The following YWHAG variants were observed in gnomAD, a reference collection of about 807,000 sequenced individuals.
YWHAG encodes 14-3-3 protein gamma.
A neutral mutation model predicts 23.3 loss-of-function variants in YWHAG; 1 was observed. That is an observed-to-expected ratio of 0.04 (90% CI 0.02 to 0.20). The LOEUF is 0.20. Ranked by LOEUF, YWHAG falls within the 10% of genes least tolerant of loss-of-function variation. The probability of loss-of-function intolerance (pLI) is 1.00; values close to 1 mark genes in which losing one functional copy is unlikely to be tolerated. For missense variants in YWHAG, 151 were observed against 338.6 expected (o/e 0.45, Z 4.35); for synonymous variants, 160 against 144.0 (o/e 1.11, Z -0.80).
intron 1 of YWHAG, among the ~76,000 whole-genome samples, chr7:76,332,049 G>C (rs959200222): frequency 2.6e-5 from 4 of 152,158 alleles, no homozygotes; most frequent in African/African-American, 9.7e-5. Flanking sequence ...CTGATTAGTG[G>C]TGTTGTTAAA....
chr7:76,349,456 C>G (rs554359360), intron 1 of YWHAG, among the ~76,000 whole-genome samples: 1 of 150,714 alleles, frequency 6.6e-6, no homozygotes, highest in African/African-American at 2.5e-5. Flanking sequence ...CACACACACA[C>G]ACACACACAC....
intron 1 of YWHAG, among the ~76,000 whole-genome samples, chr7:76,334,028 C>T (rs368144192): frequency 5.9e-5 from 9 of 152,214 alleles, no homozygotes; most frequent in Non-Finnish European, 1.2e-4. Context: ...TTATGAAATG[C>T]CAGGATCACC....
At position 76,353,812 on chromosome 7, in the gene YWHAG, T is replaced by C. The variant is rs185313052; in HGVS notation, c.87+4910A>G. On this transcript the variant is annotated intron_variant, in intron 1 of 1. Transcript: ENST00000307630. ...GGCTGGGTGTGGTGGCTCACACCTG[T>C]AATCCCAGTACTTTGGGAGGCCAAG... 2.6e-3 allele frequency among the ~76,000 whole-genome samples: 391 copies of C among 152,130 alleles called. 2 individuals carry two copies. Among genetic ancestry groups the C allele is most frequent in the African/African-American group, 8.9e-3 (371 of 41,486 alleles).
chr7:76,334,800 T>C (rs998844062), intron 1 of YWHAG, among the ~76,000 whole-genome samples: 2 of 151,764 alleles, frequency 1.3e-5, no homozygotes, highest in African/African-American at 4.8e-5. Flanking sequence ...TGGAGAGAAA[T>C]GGCGTGATCA....
At chr7:76,341,774 T>A (rs1803697666) in intron 1 of YWHAG, among the ~76,000 whole-genome samples, 1 of 152,134 alleles carries the variant, frequency 6.6e-6, no homozygotes, top group Admixed American at 6.6e-5. Flanking sequence ...AATATGGGGT[T>A]TCTTTTTGGG....
In YWHAG at chr7:76,335,510, C is replaced by T. The variant is rs1396226517; in HGVS notation, c.88-5277G>A. Reference sequence around the variant, plus strand: ...ATGTTAATTAGTGTCAACTATTTTCCCCTAAGAGTTGATGAGGAGAGAAAC... The same window carrying T: ...ATGTTAATTAGTGTCAACTATTTTCTCCTAAGAGTTGATGAGGAGAGAAAC... On this transcript the variant is annotated intron_variant, in intron 1 of 1. Transcript: ENST00000307630. Among the ~76,000 whole-genome samples, 26 of 152,194 alleles carry T rather than the reference C, an allele frequency of 1.7e-4. 1 individual carries two copies. The highest frequency in any genetic ancestry group is 1.7e-3 in the Admixed American group (26 of 15,278).
chr7:76,330,965 C>T lies in YWHAG; in HGVS notation c.88-732G>A, dbSNP rs10251672. Among the ~76,000 whole-genome samples the T allele has an allele frequency of 2.3e-3, 352 of 152,286 alleles. 4 individuals are homozygous for T. Among genetic ancestry groups the T allele is most frequent in the South Asian group, 0.015 (70 of 4,816 alleles). On this transcript the variant is annotated intron_variant, in intron 1 of 1. Transcript: ENST00000307630. ...CCCAAGGCTAATCACTTTCAGAAGA[C>T]TAAAGTGGCATCTCAAACCAATGTT...
intron 1 of YWHAG, among the ~76,000 whole-genome samples, chr7:76,330,747 AT>A (rs1352923550): frequency 3.3e-5 from 5 of 152,188 alleles, no homozygotes; most frequent in Non-Finnish European, 7.4e-5. Context: ...GGGGCATAGG[AT>A]TGAGTCTGAT....
intron 1 of YWHAG, among the ~76,000 whole-genome samples, chr7:76,354,138 C>A (rs572200338): frequency 7.8e-4 from 117 of 150,232 alleles, no homozygotes; most frequent in African/African-American, 2.8e-3. Context: ...CACTAAGTAA[C>A]TTTCAAAAGA....
rs1279025974 is a variant in YWHAG, at chr7:76,329,406, T to C, written c.*171A>G. On this transcript the variant is annotated 3_prime_UTR_variant, in exon 2 of 2. Transcript: ENST00000307630. The surrounding 1 kb of genome is among the most constrained non-coding windows in gnomAD (Gnocchi z 6.1). ...CACAGCTAGCCTGACTTTCCACTAG[T>C]GGTATTTTGGCAAAAATGTCAAAGA... 1 of 789,962 alleles carries C rather than the reference T, an allele frequency of 1.3e-6. No individual in the cohort carries two copies. Among genetic ancestry groups the C allele is most frequent in the Non-Finnish European group, 1.9e-6 (1 of 513,016 alleles). The allele number at this position is 789,962 out of a possible 1,614,324, so 48.9% of individuals were successfully genotyped here.
intron 1 of YWHAG, among the ~76,000 whole-genome samples, chr7:76,338,831 T>TCC (rs1201295592): frequency 6.6e-6 from 1 of 152,322 alleles, no homozygotes; most frequent in African/African-American, 2.4e-5. Context: ...CAGGCACGTA[T>TCC]CCACTGGTCA....
At position 76,333,651 on chromosome 7, in the gene YWHAG, A is replaced by G. The variant is rs573943878; in HGVS notation, c.88-3418T>C. On this transcript the variant is annotated intron_variant, in intron 1 of 1. Transcript: ENST00000307630. ...AACCCTAGTTCCATACAGCCTGAAA[A>G]AAAACTGCCCAGACTTGGCTTTGGA... Among the ~76,000 whole-genome samples, 3 of 152,278 alleles carry G rather than the reference A, an allele frequency of 2.0e-5. No homozygotes were observed. The East Asian group carries it at 5.8e-4, about 29-fold the overall frequency.
Position 76,327,949 on chromosome 7 carries a change from C to T in YWHAG, c.*1628G>A, listed in dbSNP as rs2115582055. The stretch of plus-strand genomic sequence containing the variant: ...CACATACTCAGTTCCTAATTGTAAG[C>T]TCAATTTTGGTATTAGCAAAAGCAT... On this transcript the variant is annotated 3_prime_UTR_variant, in exon 2 of 2. Coordinates refer to ENST00000307630, the MANE Select transcript of YWHAG (RefSeq NM_012479.4). 1 of 152,202 alleles carries T rather than the reference C, an allele frequency of 6.6e-6. No homozygotes were observed. Among genetic ancestry groups the T allele is most frequent in the South Asian group, 2.1e-4 (1 of 4,820 alleles). The allele number at this position is 152,202 out of a possible 1,614,324, so 9.4% of individuals were successfully genotyped here. A position where few individuals can be genotyped will look rare whatever the true frequency, so the allele number is the denominator to read the frequency against.
At chr7:76,340,414 T>G (rs1010786976) in intron 1 of YWHAG, among the ~76,000 whole-genome samples, 1 of 152,228 alleles carries the variant, frequency 6.6e-6, no homozygotes, top group African/African-American at 2.4e-5. Context: ...TTTCCAGTGG[T>G]TTCATTCTTA....
Position 76,326,972 on chromosome 7 carries a change from T to C in YWHAG, c.*2605A>G, listed in dbSNP as rs1803451568. On this transcript the variant is annotated 3_prime_UTR_variant, in exon 2 of 2. Transcript: ENST00000307630. Reference sequence around the variant, plus strand: ...TAGACCTTAAAAATAGTTCACTGCATAACATGACAAAAAGCACAAAGGCTC... The same window carrying C: ...TAGACCTTAAAAATAGTTCACTGCACAACATGACAAAAAGCACAAAGGCTC... The C allele has an allele frequency of 6.6e-6, 1 of 152,614 alleles. No homozygotes were observed. The highest frequency in any genetic ancestry group is 1.5e-5 in the Non-Finnish European group (1 of 68,028). 9.5% of individuals were successfully genotyped at this position (152,614 alleles called of 1,614,324 possible).
chr7:76,338,078 T>C (rs1250972115), intron 1 of YWHAG, among the ~76,000 whole-genome samples: 1 of 152,032 alleles, frequency 6.6e-6, no homozygotes, highest in Non-Finnish European at 1.5e-5. Context: ...AGTATATACA[T>C]CACATTGTAT....
chr7:76,350,712 T>C (rs537229354), intron 1 of YWHAG, among the ~76,000 whole-genome samples: 142 of 152,140 alleles, frequency 9.3e-4, no homozygotes, highest in African/African-American at 3.3e-3. Context: ...GGCGTGGTGG[T>C]ACATGCCTGT....
chr7:76,358,934 GGCTGCGCGGAGGAGGCGGCTGGA>G lies in YWHAG; in HGVS notation c.-149_-127del, dbSNP rs1290898043. 1 of 898,696 alleles carries G rather than the reference GGCTGCGCGGAGGAGGCGGCTGGA, an allele frequency of 1.1e-6. No homozygotes were observed. The highest frequency in any genetic ancestry group is 1.5e-6 in the Non-Finnish European group (1 of 651,310). 55.7% of individuals were successfully genotyped at this position (898,696 alleles called of 1,614,324 possible). On this transcript the variant is annotated 5_prime_UTR_variant, in exon 1 of 2. Coordinates refer to ENST00000307630, the MANE Select transcript of YWHAG (RefSeq NM_012479.4). ...CCACAGAGCGAGCAGCTGAGGCGGC[GGCTGCGCGGAGGAGGCGGCTGGA>G]GCTGCGACCGCGGGACCGGGCGCGA...
At chr7:76,334,958 G>A (rs765963010) in intron 1 of YWHAG, among the ~76,000 whole-genome samples, 2 of 152,176 alleles carry the variant, frequency 1.3e-5, no homozygotes, top group African/African-American at 4.8e-5. Context: ...GGAAAATGTA[G>A]AAAGTTTCAG....
Sources: allele counts gnomAD v4.1 joint callset (sites outside exome capture counted in the v4.1 genomes callset), GRCh38; gene constraint gnomAD v4.1.1; non-coding constraint Gnocchi (gnomAD v3.1); transcripts MANE v1.5; gene names NCBI Gene and HGNC (gene_info 2026-07-23, HGNC 2026-07-21).